The following CEP170 variants were observed in gnomAD, a reference collection of about 807,000 sequenced individuals.
CEP170 encodes the protein centrosomal protein of 170 kDa.
A neutral mutation model predicts 151.9 loss-of-function variants in CEP170; 21 were observed. The observed-to-expected ratio is 0.14, with a 90% confidence interval of 0.10 to 0.20. The LOEUF is 0.20. Among genes scored for constraint, CEP170 ranks in the 10% least tolerant of loss-of-function variants. The pLI is 1.00. For missense variants in CEP170, 964 were observed against 1,892.9 expected (o/e 0.51, Z 9.11); for synonymous variants, 356 against 648.8 (o/e 0.55, Z 6.86).
chr1:243,206,700 C>T (rs2061441978), intron 4 of CEP170, among the ~76,000 whole-genome samples: 3 of 151,916 alleles, frequency 2.0e-5, no homozygotes, highest in Non-Finnish European at 2.9e-5. Flanking sequence ...TTATTTAAAC[C>T]TCTTTAAATG....
intron 1 of CEP170, chr1:243,253,046 A>G (rs1197150349): frequency 1.3e-5 from 2 of 152,234 alleles, no homozygotes; most frequent in African/African-American, 4.8e-5. Flanking sequence ...TATAGAGTTG[A>G]TCATCATACT....
chr1:243,135,991 T>C (rs1426589942), intron 17 of CEP170, 152 bp downstream of exon 17: 1 of 1,144,664 alleles, frequency 8.7e-7, no homozygotes, highest in African/African-American at 1.6e-5. Context: ...CTAATAAATT[T>C]AAAGTTATAA....
At chr1:243,226,055 C>A (rs1386836504) in intron 1 of CEP170, among the ~76,000 whole-genome samples, 144 of 12,900 alleles carry the variant, frequency 0.011, 1 homozygote, top group African/African-American at 0.012. Context: ...ATATATATAT[C>A]TAGATATATA....
At position 243,185,159 on chromosome 1, in the gene CEP170, A is replaced by G. The variant is rs1031000333; in HGVS notation, c.1566+620T>C. 2.0e-5 allele frequency among the ~76,000 whole-genome samples: 3 copies of G among 152,194 alleles called. No individual in the cohort carries two copies. The highest frequency in any genetic ancestry group is 2.0e-4 in the Admixed American group (3 of 15,276). On this transcript the variant is annotated intron_variant, in intron 10 of 19. Transcript: ENST00000366542. This position sits in a 1 kb window ranked among gnomAD's most constrained non-coding sequence, Gnocchi z 4.9. ...CAACAATCCTTACACACGCTAACCA[A>G]TAATATCAAAGAATACACTTGAAAT...
chr1:243,153,188 T>C (rs1335274563), intron 14 of CEP170, among the ~76,000 whole-genome samples: 1 of 152,214 alleles, frequency 6.6e-6, no homozygotes, highest in Non-Finnish European at 1.5e-5. Flanking sequence ...TGCAATCTCG[T>C]GATAAAACAT....
chr1:243,148,817 T>C (rs1471377542), intron 14 of CEP170, among the ~76,000 whole-genome samples: 1 of 152,094 alleles, frequency 6.6e-6, no homozygotes, highest in Non-Finnish European at 1.5e-5. Context: ...GTCAGTTAAT[T>C]TGTTAGATGT....
chr1:243,140,813 G>A lies in CEP170; in HGVS notation c.4060-706C>T, dbSNP rs529604641. On this transcript the variant is annotated intron_variant, in intron 15 of 19. Coordinates refer to ENST00000366542, the MANE Select transcript of CEP170 (RefSeq NM_014812.3). ...AAAGTTTATTCAATGAAATGTTTAA[G>A]TAATTTTACTGGGTCTGAGTGAATG... 5.3e-5 allele frequency among the ~76,000 whole-genome samples: 8 copies of A among 152,292 alleles called. No homozygotes were observed. The East Asian group carries it at 1.5e-3, about 29-fold the overall frequency.
Position 243,185,804 on chromosome 1 carries a change from A to T in CEP170, c.1541T>A (p.Val514Glu). The T allele has an allele frequency of 1.3e-6, 2 of 1,593,774 alleles. No homozygotes were observed. The highest frequency in any genetic ancestry group is 1.7e-6 in the Non-Finnish European group (2 of 1,171,500). Residue 514 changes from valine (V) to glutamate (E), a missense_variant, in exon 10 of 20, where the codon GTG (valine) becomes GAG (glutamate). Coordinates refer to ENST00000366542, the MANE Select transcript of CEP170 (RefSeq NM_014812.3). This position sits in a 1 kb window ranked among gnomAD's most constrained non-coding sequence, Gnocchi z 4.9. Reference protein sequence around the residue: ...IELENPNSEEVEARKMIDKVF... With the variant: ...IELENPNSEEEEARKMIDKVF... ...CTTGTCAATCATTTTTCTTGCTTCC[A>T]CTTCCTCACTGTTGGGATTCTCTAA...
Position 243,210,608 on chromosome 1 carries a change from A to ATTTTTTTTTT in CEP170, c.274+1268_274+1277dup, listed in dbSNP as rs751388751. 8.5e-4 allele frequency among the ~76,000 whole-genome samples: 58 copies of ATTTTTTTTTT among 67,950 alleles called. 2 individuals carry two copies. The highest frequency in any genetic ancestry group is 1.0e-3 in the Non-Finnish European group (41 of 39,368). The allele number at this position is 67,950 out of a possible 152,430, so 44.6% of individuals were successfully genotyped here. A position where few individuals can be genotyped will look rare whatever the true frequency, so the allele number is the denominator to read the frequency against. ...AAAAATTGTAATATTATTTTTCGTAATTTTTTTTTTTTTTTTTTTTTTTTT... is the reference window on the plus strand; with the variant it reads ...AAAAATTGTAATATTATTTTTCGTAATTTTTTTTTTTTTTTTTTTTTTTTTTTTTTTTTTT... On this transcript the variant is annotated intron_variant, in intron 4 of 19. Coordinates refer to ENST00000366542, the MANE Select transcript of CEP170 (RefSeq NM_014812.3).
At chr1:243,240,361 A>G (rs1051507795) in intron 1 of CEP170, among the ~76,000 whole-genome samples, 4 of 152,204 alleles carry the variant, frequency 2.6e-5, no homozygotes, top group Non-Finnish European at 4.4e-5. Flanking sequence ...GAATTGCAAT[A>G]AGCAATCCAT....
upstream of CEP170, among the ~76,000 whole-genome samples, chr1:243,255,754 T>C (rs2066581251): frequency 6.6e-6 from 1 of 152,236 alleles, no homozygotes; most frequent in African/African-American, 2.4e-5. Flanking sequence ...GAGCCCTTTC[T>C]GTCATTTGGG....
intron 17 of CEP170, among the ~76,000 whole-genome samples, chr1:243,133,965 T>C (rs1458271432): frequency 6.6e-6 from 1 of 152,206 alleles, no homozygotes; most frequent in African/African-American, 2.4e-5. Flanking sequence ...TTATAAGCCT[T>C]AAAATTTTTT....
intron 7 of CEP170, among the ~76,000 whole-genome samples, chr1:243,197,293 T>C (rs1169811861): frequency 2.0e-5 from 3 of 152,078 alleles, no homozygotes; most frequent in African/African-American, 7.2e-5. Flanking sequence ...TTCAATATCC[T>C]TTCCCTGTTC....
At chr1:243,152,782 C>T (rs1427904969) in intron 14 of CEP170, among the ~76,000 whole-genome samples, 4 of 152,034 alleles carry the variant, frequency 2.6e-5, no homozygotes, top group Admixed American at 6.6e-5. Flanking sequence ...CTGCCTGCCT[C>T]GGCCTCCCAA....
intron 10 of CEP170, chr1:243,176,890 T>G: frequency 2.5e-6 from 1 of 397,124 alleles, no homozygotes; most frequent in Non-Finnish European, 5.0e-6. Context: ...TTTTTAGATT[T>G]TAGTTTTAAG....
At chr1:243,222,812 T>C (rs771395649) in intron 2 of CEP170, among the ~76,000 whole-genome samples, 1 of 152,018 alleles carries the variant, frequency 6.6e-6, no homozygotes, top group Admixed American at 6.6e-5. Flanking sequence ...CCCTGAAAAG[T>C]AGAGAGACAA....
intron 3 of CEP170, 23 bp downstream of exon 3, chr1:243,221,701 C>A: frequency 6.3e-7 from 1 of 1,585,712 alleles, no homozygotes; most frequent in Admixed American, 1.9e-5. Flanking sequence ...TCAAACAAGA[C>A]AAAAAATAAA....
At chr1:243,187,018 A>G (rs1324627816) in intron 8 of CEP170, among the ~76,000 whole-genome samples, 1 of 152,194 alleles carries the variant, frequency 6.6e-6, no homozygotes, top group Non-Finnish European at 1.5e-5. Flanking sequence ...ATATCTTTCC[A>G]GCTATGAGAA....
At chr1:243,215,869 G>A (rs959775075) in intron 3 of CEP170, among the ~76,000 whole-genome samples, 2 of 151,984 alleles carry the variant, frequency 1.3e-5, no homozygotes, top group African/African-American at 4.8e-5. Context: ...CTGACGTGAT[G>A]TCTCCCCTGG....
Sources: gnomAD v4.1 joint callset for allele counts (sites outside exome capture counted in the v4.1 genomes callset) on GRCh38, gnomAD v4.1.1 for gene constraint, Gnocchi (gnomAD v3.1) non-coding constraint, MANE v1.5 for transcripts, NCBI Gene and HGNC (gene_info 2026-07-23, HGNC 2026-07-21) for gene names.